TENM3: variants seen among roughly 807,000 people sequenced by gnomAD.
The protein encoded by TENM3 is teneurin transmembrane protein 3.
TENM3 carries 63 observed loss-of-function variants against 255.1 expected under a neutral mutation model. That is an observed-to-expected ratio of 0.25 (90% CI 0.20 to 0.30). The LOEUF (loss-of-function observed/expected upper bound fraction) is 0.30, where lower values mean the gene tolerates loss of function less well. Among genes scored for constraint, TENM3 ranks in the 10% least tolerant of loss-of-function variants. The probability of loss-of-function intolerance (pLI) is 1.00; values close to 1 mark genes in which losing one functional copy is unlikely to be tolerated. For missense variants in TENM3, 2,929 were observed against 3,461.1 expected, an observed-to-expected ratio of 0.85 and a Z score of 3.86; for synonymous variants, 1,306 against 1,322.3, an observed-to-expected ratio of 0.99 and a Z score of 0.27.
intron 13 of TENM3, among the ~76,000 whole-genome samples, chr4:182,714,900 T>C (rs1458499576): frequency 6.6e-6 from 1 of 152,208 alleles, no homozygotes; most frequent in Non-Finnish European, 1.5e-5. Context: ...TTTTTGTTTT[T>C]TGAGATAGAG....
the TENM3 span, among the ~76,000 whole-genome samples, chr4:181,604,826 A>G: frequency 6.6e-6 from 1 of 152,224 alleles, no homozygotes; most frequent in Non-Finnish European, 1.5e-5. Context: ...CTTCTGGGTG[A>G]AAATGTCCTA....
At chr4:182,350,470 T>C (rs1246329386) in intron 3 of TENM3, among the ~76,000 whole-genome samples, 2 of 152,196 alleles carry the variant, frequency 1.3e-5, no homozygotes, top group Non-Finnish European at 2.9e-5. Flanking sequence ...TTGGCACCCA[T>C]TGATTGTTGT....
Position 182,743,373 on chromosome 4 carries a change from C to T in TENM3, c.3583C>T (p.Arg1195Trp), listed in dbSNP as rs376147382. The T allele has an allele frequency of 3.7e-6, 6 of 1,613,886 alleles. No homozygotes were observed. Among genetic ancestry groups the T allele is most frequent in the Non-Finnish European group, 4.2e-6 (5 of 1,179,846 alleles). Residue 1195 changes from arginine to tryptophan, a missense_variant, in exon 19 of 28, where the codon CGG becomes TGG. By Grantham distance (101) the Arg-to-Trp change is moderately radical. This residue lies in a region of TENM3 where 1,608 missense variants were observed against 1,884.4 expected (regional missense o/e 0.85). Transcript: ENST00000511685. The part of the protein sequence containing the change: ...SLYVGDFNYV[R>W]RIFPSGNVTS... Reference sequence around the variant, plus strand: ...GTACGTAGGCGATTTCAACTATGTGCGGCGGATATTCCCTTCTGGAAATGT... The same window carrying T: ...GTACGTAGGCGATTTCAACTATGTGTGGCGGATATTCCCTTCTGGAAATGT...
At chr4:182,786,601 G>A (rs1765679416) in intron 24 of TENM3, among the ~76,000 whole-genome samples, 1 of 151,664 alleles carries the variant, frequency 6.6e-6, no homozygotes, top group Admixed American at 6.6e-5. Context: ...GCAGCATGGG[G>A]TTCCATGCCT....
intron 1 of TENM3, among the ~76,000 whole-genome samples, chr4:182,186,288 G>A (rs1013869932): frequency 1.3e-5 from 2 of 152,162 alleles, no homozygotes; most frequent in Admixed American, 1.3e-4. Flanking sequence ...AAGTAGGTTA[G>A]TAGGTTGATG....
intron 3 of TENM3, among the ~76,000 whole-genome samples, chr4:182,527,492 TA>T (rs35017123): frequency 0.58 from 85,285 of 148,198 alleles, 26,680 homozygotes; most frequent in Non-Finnish European, 0.71. Context: ...TCTGTTGGTT[TA>T]AAAAAAAAAA....
intron 5 of TENM3, among the ~76,000 whole-genome samples, chr4:182,629,697 A>G (rs1434009789): frequency 1.3e-5 from 2 of 152,154 alleles, no homozygotes; most frequent in Non-Finnish European, 2.9e-5. Flanking sequence ...ACCAAGAACA[A>G]TAGCCAGTGA....
the TENM3 span, among the ~76,000 whole-genome samples, chr4:181,598,635 G>T: frequency 6.7e-6 from 1 of 149,050 alleles, no homozygotes; most frequent in Non-Finnish European, 1.5e-5. Flanking sequence ...ATTATTCCAT[G>T]ATCAAAAGCC....
At chr4:181,750,040 C>G in the TENM3 span, among the ~76,000 whole-genome samples, 2 of 152,180 alleles carry the variant, frequency 1.3e-5, no homozygotes, top group African/African-American at 4.8e-5. Flanking sequence ...TGATCAGCCT[C>G]TTAACAGAGA....
chr4:182,499,103 T>TTCAATGTAC (rs1736080152), intron 3 of TENM3, among the ~76,000 whole-genome samples: 1 of 152,198 alleles, frequency 6.6e-6, no homozygotes, highest in South Asian at 2.1e-4. Context: ...TTTGTGGTCA[T>TTCAATGTAC]TCAATGTACT....
chr4:182,715,423 A>G (rs1001354611), intron 13 of TENM3, among the ~76,000 whole-genome samples: 1 of 152,216 alleles, frequency 6.6e-6, no homozygotes, highest in African/African-American at 2.4e-5. Flanking sequence ...GTGACCTCAG[A>G]CAAAATCTGT....
the TENM3 span, among the ~76,000 whole-genome samples, chr4:181,647,501 G>A: frequency 1.6e-3 from 249 of 152,266 alleles, no homozygotes; most frequent in African/African-American, 5.5e-3. Flanking sequence ...ATATTCTCAT[G>A]TACGGTTTTC....
chr4:182,752,041 A>C lies in TENM3; in HGVS notation c.3862+9A>C. ...ACTCATGAGTCCCAAAGGTACCGGCAGTTGGCGATTTGAGGATTTCTTTTT... is the reference window on the plus strand; with the variant it reads ...ACTCATGAGTCCCAAAGGTACCGGCCGTTGGCGATTTGAGGATTTCTTTTT... On this transcript the variant is annotated intron_variant, in intron 20 of 27. Transcript: ENST00000511685. 1 of 1,481,364 alleles carries C rather than the reference A, an allele frequency of 6.8e-7. No homozygotes were observed. The highest frequency in any genetic ancestry group is 1.4e-5 in the African/African-American group (1 of 69,742). 91.8% of individuals were successfully genotyped at this position (1,481,364 alleles called of 1,614,324 possible).
the TENM3 span, among the ~76,000 whole-genome samples, chr4:181,938,305 G>A: frequency 6.6e-6 from 1 of 152,122 alleles, no homozygotes; most frequent in Non-Finnish European, 1.5e-5. Flanking sequence ...GTAACCTTTA[G>A]AAAGCTCTGT....
the TENM3 span, among the ~76,000 whole-genome samples, chr4:182,132,898 G>A: frequency 6.6e-6 from 1 of 152,124 alleles, no homozygotes; most frequent in Non-Finnish European, 1.5e-5. Flanking sequence ...ACTTTTCAAT[G>A]TACTGATCTT....
At chr4:181,834,440 G>T in the TENM3 span, among the ~76,000 whole-genome samples, 2 of 152,226 alleles carry the variant, frequency 1.3e-5, no homozygotes, top group South Asian at 2.1e-4. Context: ...GGGGCTTACC[G>T]CATAAGGGAG....
chr4:182,669,608 TATAAAA>T (rs1162389106), intron 6 of TENM3, among the ~76,000 whole-genome samples: 1 of 152,178 alleles, frequency 6.6e-6, no homozygotes, highest in African/African-American at 2.4e-5. Context: ...ATATAAAACT[TATAAAA>T]ATAAGTATAA....
intron 12 of TENM3, among the ~76,000 whole-genome samples, chr4:182,699,060 C>T (rs987943266): frequency 3.9e-5 from 6 of 152,190 alleles, no homozygotes; most frequent in South Asian, 2.1e-4. Context: ...ATACTCTTCA[C>T]GTCCTTGTTT....
chr4:182,090,630 C>CAT, the TENM3 span, among the ~76,000 whole-genome samples: 1 of 152,050 alleles, frequency 6.6e-6, no homozygotes, highest in African/African-American at 2.4e-5. Context: ...TATACGTGTA[C>CAT]ATATATATAT....
Sources: gnomAD v4.1 joint callset for allele counts (sites outside exome capture counted in the v4.1 genomes callset) on GRCh38, gnomAD v4.1.1 for gene constraint, gnomAD v4.1.1 regional missense constraint, MANE v1.5 for transcripts, NCBI Gene and HGNC (gene_info 2026-07-23, HGNC 2026-07-21) for gene names.